KIAA1958: variants seen among roughly 807,000 people sequenced by gnomAD.
The protein encoded by KIAA1958 is uncharacterized protein KIAA1958.
Under a neutral mutation model 47.2 loss-of-function variants are expected in KIAA1958, and 14 were observed. That is an observed-to-expected ratio of 0.30 (90% CI 0.20 to 0.46). The LOEUF (loss-of-function observed/expected upper bound fraction) is 0.46, where lower values mean the gene tolerates loss of function less well. Among genes scored for constraint, KIAA1958 ranks in the 20% least tolerant of loss-of-function variants. The pLI, the probability that KIAA1958 is intolerant of heterozygous loss-of-function variation, is 1.00. For synonymous variants in KIAA1958, 354 were observed against 353.3 expected (o/e 1.00, Z -0.02); for missense variants, 803 against 909.2 (o/e 0.88, Z 1.50).
At chr9:112,595,009 T>A (rs1835994029) in intron 2 of KIAA1958, among the ~76,000 whole-genome samples, 1 of 152,196 alleles carries the variant, frequency 6.6e-6, no homozygotes, top group Non-Finnish European at 1.5e-5. Flanking sequence ...TCTGCTATAT[T>A]TAATATAAGA....
chr9:112,489,384 G>T (rs1833923257), intron 1 of KIAA1958, among the ~76,000 whole-genome samples: 1 of 152,164 alleles, frequency 6.6e-6, no homozygotes, highest in Non-Finnish European at 1.5e-5. Flanking sequence ...TTTTGGCAAA[G>T]TTGTAGTTGT....
At chr9:112,532,730 G>A (rs1834772137) in intron 1 of KIAA1958, among the ~76,000 whole-genome samples, 1 of 152,208 alleles carries the variant, frequency 6.6e-6, no homozygotes, top group Non-Finnish European at 1.5e-5. Context: ...GTACTGCTGT[G>A]TGTGGTATAA....
At chr9:112,565,382 G>A (rs1588020126) in intron 1 of KIAA1958, among the ~76,000 whole-genome samples, 1 of 152,186 alleles carries the variant, frequency 6.6e-6, no homozygotes, top group Non-Finnish European at 1.5e-5. Flanking sequence ...GGGATTACAG[G>A]CATGAGCCAC....
At chr9:112,638,332 CT>C (rs1404764624) in intron 2 of KIAA1958, among the ~76,000 whole-genome samples, 24 of 151,644 alleles carry the variant, frequency 1.6e-4, no homozygotes, top group African/African-American at 5.8e-4. Context: ...AGTGAGACCC[CT>C]GTCACTACAA....
At chr9:112,587,828 C>T (rs1009753811) in intron 2 of KIAA1958, among the ~76,000 whole-genome samples, 2 of 152,150 alleles carry the variant, frequency 1.3e-5, no homozygotes, top group Non-Finnish European at 2.9e-5. Context: ...AACTTGTTTT[C>T]AATTCTTCCA....
intron 2 of KIAA1958, among the ~76,000 whole-genome samples, chr9:112,607,128 G>A (rs1457034373): frequency 1.3e-5 from 2 of 152,052 alleles, no homozygotes; most frequent in African/African-American, 4.8e-5. Context: ...AGGCCGAGGT[G>A]GGCAGATCAC....
Position 112,574,242 on chromosome 9 carries a change from T to C in KIAA1958, c.162T>C (p.His54=). Reference sequence around the variant, plus strand: ...CAATGTGGGGCTGTAGTGCTGGCCATGCTTATCACTGGCCACTAACAGCTA... The same window carrying C: ...CAATGTGGGGCTGTAGTGCTGGCCACGCTTATCACTGGCCACTAACAGCTA... ...LTAMWGCSAG[H]AYHWPLTATC... Residue 54 remains histidine, a synonymous_variant, in exon 2 of 4, where the codon CAT becomes CAC. Coordinates refer to ENST00000337530, the MANE Select transcript of KIAA1958 (RefSeq NM_133465.4). The C allele has an allele frequency of 6.2e-7, 1 of 1,614,116 alleles. No homozygotes were observed. Among genetic ancestry groups the C allele is most frequent in the Middle Eastern group, 1.6e-4 (1 of 6,062 alleles).
intron 1 of KIAA1958, among the ~76,000 whole-genome samples, chr9:112,536,065 T>C (rs1407385412): frequency 6.6e-6 from 1 of 152,234 alleles, no homozygotes. Context: ...TTAATTGACC[T>C]CTGGGTTCAA....
intron 1 of KIAA1958, among the ~76,000 whole-genome samples, chr9:112,549,517 C>T (rs1295700067): frequency 2.6e-5 from 4 of 152,172 alleles, no homozygotes; most frequent in Admixed American, 6.5e-5. Flanking sequence ...AGTTAGTCCA[C>T]AAGTATTTAT....
intron 2 of KIAA1958, 74 bp downstream of exon 2, chr9:112,575,325 C>T (rs1047340453): frequency 9.9e-7 from 1 of 1,005,356 alleles, no homozygotes; most frequent in Non-Finnish European, 1.4e-6. Flanking sequence ...ACTTCTAAAA[C>T]CATTCACTCA....
chr9:112,556,503 A>T (rs1835244942), intron 1 of KIAA1958, among the ~76,000 whole-genome samples: 1 of 152,302 alleles, frequency 6.6e-6, no homozygotes, highest in South Asian at 2.1e-4. Context: ...CTTTGTAAAA[A>T]TTATAATTTT....
rs149235392 is a variant in KIAA1958, at chr9:112,621,968, C to CT, written c.1172-23681dup. Among the ~76,000 whole-genome samples the CT allele has an allele frequency of 2.8e-3, 421 of 152,278 alleles. 2 individuals are homozygous for CT. Among genetic ancestry groups the CT allele is most frequent in the African/African-American group, 9.8e-3 (406 of 41,556 alleles). ...TGTTGCCCAGGCTGGTCTCGAACTC[C>CT]TAGCCTCAAGAGATCCTCCTGCCTT... On this transcript the variant is annotated intron_variant, in intron 2 of 3. Transcript: ENST00000337530.
intron 1 of KIAA1958, among the ~76,000 whole-genome samples, chr9:112,519,076 G>T (rs1255815965): frequency 6.6e-6 from 1 of 151,944 alleles, no homozygotes; most frequent in African/African-American, 2.4e-5. Context: ...ACTATAGGCA[G>T]GCACCACCAT....
intron 1 of KIAA1958, among the ~76,000 whole-genome samples, chr9:112,524,328 C>A (rs1481603461): frequency 6.6e-6 from 1 of 152,214 alleles, no homozygotes; most frequent in Non-Finnish European, 1.5e-5. Flanking sequence ...ATTGAACAGC[C>A]ATTTACAAAT....
chr9:112,555,061 A>G (rs1405492073), intron 1 of KIAA1958, among the ~76,000 whole-genome samples: 1 of 152,244 alleles, frequency 6.6e-6, no homozygotes, highest in East Asian at 1.9e-4. Flanking sequence ...ATTAGTGCTG[A>G]GCACCTAACA....
At chr9:112,555,904 G>A (rs888733078) in intron 1 of KIAA1958, among the ~76,000 whole-genome samples, 1 of 151,866 alleles carries the variant, frequency 6.6e-6, no homozygotes, top group African/African-American at 2.4e-5. Flanking sequence ...GTAAAACCCC[G>A]TCTCTACTAA....
intron 2 of KIAA1958, among the ~76,000 whole-genome samples, chr9:112,596,401 C>T (rs1379464855): frequency 6.6e-6 from 1 of 152,026 alleles, no homozygotes; most frequent in Non-Finnish European, 1.5e-5. Flanking sequence ...AGCTTTTTAA[C>T]ACTTTGTATA....
chr9:112,497,860 C>T (rs970030766), intron 1 of KIAA1958, among the ~76,000 whole-genome samples: 3 of 152,156 alleles, frequency 2.0e-5, no homozygotes, highest in African/African-American at 7.2e-5. Context: ...GTCCAAAACT[C>T]AGCATCTATT....
chr9:112,630,235 A>G (rs531468299), intron 2 of KIAA1958, among the ~76,000 whole-genome samples: 26 of 152,310 alleles, frequency 1.7e-4, no homozygotes, highest in Admixed American at 1.4e-3. Flanking sequence ...GTTAATAGAA[A>G]AGAAAGCCCT....
Sources: allele counts gnomAD v4.1 joint callset (sites outside exome capture counted in the v4.1 genomes callset), GRCh38; gene constraint gnomAD v4.1.1; transcripts MANE v1.5; gene names NCBI Gene and HGNC (gene_info 2026-07-23, HGNC 2026-07-21).